MGAT4C: variants seen among roughly 807,000 people sequenced by gnomAD.
The protein encoded by MGAT4C is alpha-1,3-mannosyl-glycoprotein 4-beta-N-acetylglucosaminyltransferase C.
Under a neutral mutation model 40.1 loss-of-function variants are expected in MGAT4C, and 19 were observed. That is an observed-to-expected ratio of 0.47 (90% CI 0.33 to 0.70). The LOEUF (loss-of-function observed/expected upper bound fraction) is 0.70, where lower values mean the gene tolerates loss of function less well. MGAT4C is among the 30% of genes least tolerant of loss of function. The pLI is 0.02. For synonymous variants in MGAT4C, 181 were observed against 187.1 expected (o/e 0.97, Z 0.27); for missense variants, 491 against 563.2 (o/e 0.87, Z 1.30).
intron 2 of MGAT4C, among the ~76,000 whole-genome samples, chr12:86,621,987 G>T (rs1411483291): frequency 2.6e-5 from 4 of 152,110 alleles, no homozygotes; most frequent in Admixed American, 6.6e-5. Context: ...ATACTCTACA[G>T]ATTCTAAAGT....
At chr12:86,362,204 G>A (rs1055430469) in intron 3 of MGAT4C, among the ~76,000 whole-genome samples, 2 of 152,158 alleles carry the variant, frequency 1.3e-5, no homozygotes, top group South Asian at 2.1e-4. Context: ...GGATGAAGCT[G>A]GAAACCATCA....
At chr12:86,686,983 G>A (rs1950084064) in intron 2 of MGAT4C, among the ~76,000 whole-genome samples, 1 of 151,818 alleles carries the variant, frequency 6.6e-6, no homozygotes, top group South Asian at 2.1e-4. Flanking sequence ...TGTTGTTGTT[G>A]TTGTTGGTAG....
At chr12:86,728,754 C>A (rs962802899) in intron 1 of MGAT4C, among the ~76,000 whole-genome samples, 2 of 152,202 alleles carry the variant, frequency 1.3e-5, no homozygotes, top group Non-Finnish European at 2.9e-5. Flanking sequence ...TATTAGGCCA[C>A]ACTTTTTTCT....
In MGAT4C at chr12:86,022,747, G is replaced by A. The variant is rs143093409; in HGVS notation, c.-7+26927C>T. On this transcript the variant is annotated intron_variant, in intron 2 of 4. Coordinates refer to ENST00000611864, the MANE Select transcript of MGAT4C (RefSeq NM_001351288.2). ...GTCCCTGTTCTTGCACTAATGTCTA[G>A]TGCAAGGCAAAAGGAAGGTAAATGT... is the stretch of plus-strand genomic sequence containing the variant. Among the ~76,000 whole-genome samples the A allele has an allele frequency of 2.4e-3, 370 of 152,210 alleles. 1 individual carries two copies. The highest frequency in any genetic ancestry group is 8.6e-3 in the African/African-American group (357 of 41,546).
intron 2 of MGAT4C, among the ~76,000 whole-genome samples, chr12:86,723,046 A>C (rs1301297752): frequency 2.0e-5 from 3 of 152,216 alleles, no homozygotes; most frequent in South Asian, 2.1e-4. Context: ...TCATGTTCAA[A>C]TCTGTACAAC....
chr12:86,102,130 CAGTT>C (rs1358033047), intron 1 of MGAT4C, among the ~76,000 whole-genome samples: 1 of 151,736 alleles, frequency 6.6e-6, no homozygotes, highest in Non-Finnish European at 1.5e-5. Flanking sequence ...AAAATATAAA[CAGTT>C]AGTGGGAGAG....
intron 2 of MGAT4C, among the ~76,000 whole-genome samples, chr12:86,450,269 G>A (rs554368896): frequency 6.6e-6 from 1 of 152,044 alleles, no homozygotes; most frequent in South Asian, 2.1e-4. Context: ...TGATGAATGA[G>A]GTTGAGCACC....
chr12:86,239,156 AG>A (rs1951672085), intron 1 of MGAT4C, among the ~76,000 whole-genome samples: 1 of 152,102 alleles, frequency 6.6e-6, no homozygotes, highest in Admixed American at 6.6e-5. Context: ...TATTCCAAAA[AG>A]GTTGTCAGAG....
intron 2 of MGAT4C, among the ~76,000 whole-genome samples, chr12:86,439,182 C>G (rs902777317): frequency 6.6e-6 from 1 of 151,966 alleles, no homozygotes; most frequent in Non-Finnish European, 1.5e-5. Flanking sequence ...ACATTATTCT[C>G]ATCAGCCTAC....
chr12:86,720,634 C>T (rs1049462048), intron 2 of MGAT4C, among the ~76,000 whole-genome samples: 8 of 151,944 alleles, frequency 5.3e-5, no homozygotes, highest in African/African-American at 1.9e-4. Context: ...TTAAAGATGG[C>T]TTACCTGGAT....
At chr12:86,673,084 T>G (rs1234417625) in intron 2 of MGAT4C, among the ~76,000 whole-genome samples, 2 of 152,142 alleles carry the variant, frequency 1.3e-5, no homozygotes. Context: ...CAGGATTCAG[T>G]GCCAAAGTGA....
rs187898700 is a variant in MGAT4C, at chr12:86,678,481, A to C, written c.-229+48728T>G. Among the ~76,000 whole-genome samples, 475 of 151,496 alleles carry C rather than the reference A, an allele frequency of 3.1e-3. 1 individual carries two copies. Among genetic ancestry groups the C allele is most frequent in the African/African-American group, 0.011 (460 of 41,282 alleles). Reference sequence around the variant, plus strand: ...TTTAGGGTACATGTGCACAATGTGCAGGTTAGTTACATATGTATACATGTG... The same window carrying C: ...TTTAGGGTACATGTGCACAATGTGCCGGTTAGTTACATATGTATACATGTG... On this transcript the variant is annotated intron_variant, in intron 2 of 7. Coordinates refer to the MGAT4C transcript ENST00000548651.
intron 2 of MGAT4C, among the ~76,000 whole-genome samples, chr12:86,613,735 A>C (rs2136478589): frequency 6.6e-6 from 1 of 152,314 alleles, no homozygotes; most frequent in South Asian, 2.1e-4. Context: ...ACATAATAAA[A>C]ATTATATATT....
At chr12:86,641,289 T>G (rs915193541) in intron 2 of MGAT4C, among the ~76,000 whole-genome samples, 4 of 151,226 alleles carry the variant, frequency 2.6e-5, no homozygotes, top group African/African-American at 9.7e-5. Context: ...AAACACCACA[T>G]ATTCTCACTC....
intron 2 of MGAT4C, among the ~76,000 whole-genome samples, chr12:86,658,473 C>T (rs990065428): frequency 2.0e-5 from 3 of 152,044 alleles, no homozygotes; most frequent in Admixed American, 6.6e-5. Context: ...ATGCCTGATT[C>T]ATTTTCTTCA....
intron 1 of MGAT4C, among the ~76,000 whole-genome samples, chr12:86,807,568 T>C (rs1952382687): frequency 6.6e-6 from 1 of 152,294 alleles, no homozygotes; most frequent in South Asian, 2.1e-4. Flanking sequence ...CTATTGTGAA[T>C]AGCGCTGCAA....
chr12:86,324,651 A>T lies in MGAT4C; in HGVS notation c.-57+9414T>A, dbSNP rs1954480390. Among the ~76,000 whole-genome samples the T allele has an allele frequency of 2.0e-5, 3 of 152,028 alleles. No homozygotes were observed. In the South Asian group the frequency reaches 6.2e-4, roughly 31 times the overall value. Reference sequence around the variant, plus strand: ...TAATTTTGTATTAGCAGGTAAAGCAATGAGAATATATACGCTTTGACAACT... The same window carrying T: ...TAATTTTGTATTAGCAGGTAAAGCATTGAGAATATATACGCTTTGACAACT... On this transcript the variant is annotated intron_variant, in intron 4 of 7. Transcript: ENST00000548651.
intron 2 of MGAT4C, among the ~76,000 whole-genome samples, chr12:86,031,108 T>G (rs1890718285): frequency 6.6e-6 from 1 of 150,676 alleles, no homozygotes; most frequent in African/African-American, 2.4e-5. Flanking sequence ...ACATTATAAA[T>G]AATTTTTTTT....
At chr12:85,989,299 T>C in intron 3 of MGAT4C, 101 bp downstream of exon 3, 1 of 1,179,192 alleles carries the variant, frequency 8.5e-7, no homozygotes, top group Admixed American at 3.0e-5. Flanking sequence ...AAACTAAGTC[T>C]TCTCCAATAG....
Sources: allele counts gnomAD v4.1 joint callset (sites outside exome capture counted in the v4.1 genomes callset), GRCh38; gene constraint gnomAD v4.1.1; transcripts MANE v1.5; gene names NCBI Gene and HGNC (gene_info 2026-07-23, HGNC 2026-07-21).